Variants in LHB observed in about 807,000 individuals in gnomAD.
LHB encodes luteinizing hormone subunit beta.
Under a neutral mutation model 10.6 loss-of-function variants are expected in LHB, and 11 were observed. The observed-to-expected ratio is 1.04, with a 90% confidence interval of 0.66 to 1.72. LHB has a LOEUF of 1.72. Among genes scored for constraint, LHB ranks in the 40% most tolerant of loss-of-function variants. The pLI, the probability that LHB is intolerant of heterozygous loss-of-function variation, is 0.00. For missense variants in LHB, 184 were observed against 197.3 expected, an observed-to-expected ratio of 0.93 and a Z score of 0.41; for synonymous variants, 86 against 83.1, an observed-to-expected ratio of 1.03 and a Z score of -0.19.
At chr19:49,018,989 G>T (rs2039598002), upstream of LHB, 3 of 1,533,234 alleles carry the variant, frequency 2.0e-6, no homozygotes, top group Admixed American at 2.0e-5. Context: ...TCTTCGTCCA[G>T]GCAATTAGAG....
At chr19:49,018,565 C>G (rs1398911719), upstream of LHB, among the ~76,000 whole-genome samples, 1 of 152,122 alleles carries the variant, frequency 6.6e-6, no homozygotes, top group Non-Finnish European at 1.5e-5. Context: ...AGGGGACTTT[C>G]GCTTCCTTGG....
chr19:49,016,784 T>G, intron 1 of LHB, 70 bp from the exon 2 acceptor site: 3 of 1,602,554 alleles, frequency 1.9e-6, no homozygotes, highest in Non-Finnish European at 1.7e-6. Context: ...CCATCCCGCG[T>G]GGTACACCAC....
At chr19:49,019,328 G>C, upstream of LHB, 2 of 1,176,732 alleles carry the variant, frequency 1.7e-6, no homozygotes, top group South Asian at 3.5e-5. Context: ...GTGGCCACTG[G>C]AGCTGAGCTG....
At chr19:49,016,426 G>A (rs2039554391) in intron 2 of LHB, 116 bp from the exon 3 acceptor site, 2 of 1,599,852 alleles carry the variant, frequency 1.3e-6, no homozygotes, top group Admixed American at 3.4e-5. Context: ...CTCTGTTCCT[G>A]CCTTCCCACA....
upstream of LHB, chr19:49,018,183 C>G (rs1241363485): frequency 2.3e-6 from 1 of 429,046 alleles, no homozygotes; most frequent in Admixed American, 4.4e-5. Context: ...GCCGAGGTCA[C>G]CGGGCTGACG....
chr19:49,019,359 A>T (rs10417524), upstream of LHB: 5 of 1,216,726 alleles, frequency 4.1e-6, no homozygotes, highest in Non-Finnish European at 5.2e-6. Flanking sequence ...AGCAACTCCA[A>T]GTTACCTCTC....
upstream of LHB, chr19:49,018,384 G>A (rs2039592177): frequency 8.7e-7 from 1 of 1,154,574 alleles, no homozygotes; most frequent in East Asian, 3.2e-5. Context: ...CTGGATCCTT[G>A]GGGACGAGTT....
upstream of LHB, chr19:49,018,248 G>T (rs558127958): frequency 4.9e-5 from 43 of 874,112 alleles, no homozygotes; most frequent in Admixed American, 3.0e-4. Context: ...CGGACAGGGC[G>T]GCCGCTGCGG....
At chr19:49,017,759 C>T (rs2039582678), upstream of LHB, 1 of 412,200 alleles carries the variant, frequency 2.4e-6, no homozygotes, top group South Asian at 1.3e-4. Context: ...GGGGCCACAG[C>T]CTGCAAGGAC....
chr19:49,017,187 T>TC (rs2039570467), upstream of LHB: 27 of 1,565,818 alleles, frequency 1.7e-5, 1 homozygote, highest in Middle Eastern at 3.4e-4. Flanking sequence ...TGGACACTAA[T>TC]CCCCCCGGGG....
At chr19:49,019,083 C>T (rs936468752), upstream of LHB, 44 of 1,451,972 alleles carry the variant, frequency 3.0e-5, no homozygotes, top group Non-Finnish European at 3.7e-5. Context: ...GTTCAGAATC[C>T]CTCTCCTTCG....
intron 1 of LHB, 132 bp downstream of exon 1, chr19:49,016,935 A>C: frequency 6.2e-7 from 1 of 1,606,126 alleles, no homozygotes; most frequent in Non-Finnish European, 8.5e-7. Context: ...GAACTGCCCC[A>C]CCTGAAGCTT....
At chr19:49,018,936 C>G (rs1453922627), upstream of LHB, 15 of 1,534,322 alleles carry the variant, frequency 9.8e-6, no homozygotes, top group East Asian at 2.4e-5. Context: ...GTCCAGGACG[C>G]CCCGGTCGGA....
chr19:49,018,738 C>T, upstream of LHB: 2 of 765,276 alleles, frequency 2.6e-6, no homozygotes, highest in Non-Finnish European at 4.2e-6. Flanking sequence ...GAGGCCTGAA[C>T]TTTGGTTCTT....
At chr19:49,017,455 T>C, upstream of LHB, 1 of 1,149,204 alleles carries the variant, frequency 8.7e-7, no homozygotes. Flanking sequence ...GACTGAAGCC[T>C]CAACCCTCCA....
upstream of LHB, chr19:49,017,698 G>A (rs2039581351): frequency 1.7e-6 from 1 of 579,766 alleles, no homozygotes; most frequent in South Asian, 8.8e-5. Context: ...GTGTGGTTCA[G>A]GTGATTTAAC....
chr19:49,018,940 G>A, upstream of LHB: 4 of 1,534,378 alleles, frequency 2.6e-6, no homozygotes, highest in Non-Finnish European at 3.5e-6. Context: ...AGGACGCCCC[G>A]GTCGGATACT....
At chr19:49,017,546 T>C (rs186365986), upstream of LHB, 1,398 of 1,105,146 alleles carry the variant, frequency 1.3e-3, 11 homozygotes, top group African/African-American at 0.02. Flanking sequence ...TGAGAGAGGG[T>C]CTCCCCGTGA....
chr19:49,016,804 C>T lies in LHB; in HGVS notation c.16-90G>A, dbSNP rs769397760. ...CCGCGTGGTACACCACCCACAAAGA[C>T]CCAGAGACCCTTCCCGGCATCTCCT... On this transcript the variant is annotated intron_variant, in intron 1 of 2. Transcript: ENST00000649238. 13 of 1,598,518 alleles carry T rather than the reference C, an allele frequency of 8.1e-6. No homozygotes were observed. In the African/African-American group the frequency reaches 1.6e-4, roughly 20 times the overall value.
Sources: allele counts gnomAD v4.1 joint callset (sites outside exome capture counted in the v4.1 genomes callset), GRCh38; gene constraint gnomAD v4.1.1; transcripts MANE v1.5; gene names NCBI Gene and HGNC (gene_info 2026-07-23, HGNC 2026-07-21).